LRRC74A: variants seen among roughly 807,000 people sequenced by gnomAD.
LRRC74A encodes leucine rich repeat containing 74A, also known as leucine-rich repeat-containing protein 74A.
In LRRC74A, 44 loss-of-function variants were observed where a neutral mutation model predicts 57.9. That is an observed-to-expected ratio of 0.76 (90% confidence interval 0.60 to 0.98). The LOEUF (loss-of-function observed/expected upper bound fraction) is 0.98. Among genes scored for constraint, LRRC74A ranks in the 50% least tolerant of loss-of-function variants. LRRC74A has a pLI of 0.00. For missense variants in LRRC74A, 572 were observed against 574.0 expected, an observed-to-expected ratio of 1.00 and a Z score of 0.04; for synonymous variants, 211 against 219.4, an observed-to-expected ratio of 0.96 and a Z score of 0.34.
chr14:76,828,975 C>G, intron 2 of LRRC74A: 1 of 1,283,032 alleles, frequency 7.8e-7, no homozygotes, highest in Non-Finnish European at 1.0e-6. Context: ...CCTTAGAGCT[C>G]TGGTTTCCCC....
chr14:76,861,149 T>G (rs1254346312), intron 11 of LRRC74A, among the ~76,000 whole-genome samples: 1 of 152,216 alleles, frequency 6.6e-6, no homozygotes, highest in African/African-American at 2.4e-5. Context: ...GGCAAGTTAC[T>G]AAAGCTCTCT....
chr14:76,867,176 T>TGGGGG (rs1898964031), intron 12 of LRRC74A, among the ~76,000 whole-genome samples, 180 bp from the exon 13 acceptor site: 1 of 5,344 alleles, frequency 1.9e-4, no homozygotes, highest in Non-Finnish European at 3.8e-4. Flanking sequence ...TGTGTGGTAG[T>TGGGGG]GTGTGTGGGG....
intron 13 of LRRC74A, among the ~76,000 whole-genome samples, chr14:76,867,826 G>A (rs1899066934): frequency 6.6e-6 from 1 of 152,210 alleles, no homozygotes; most frequent in African/African-American, 2.4e-5. Flanking sequence ...TCAGGCGGGA[G>A]GCGGCAATGT....
At chr14:76,855,909 G>A (rs943039747) in intron 9 of LRRC74A, among the ~76,000 whole-genome samples, 2 of 152,236 alleles carry the variant, frequency 1.3e-5, no homozygotes, top group Non-Finnish European at 2.9e-5. Context: ...AGTCCTCAGA[G>A]CAGCCATAGG....
rs117436373 is a variant in LRRC74A, at chr14:76,844,934, G to A, written c.676+33G>A. 686 of 1,082,718 alleles carry A rather than the reference G, an allele frequency of 6.3e-4. 6 individuals carry two copies. The East Asian group carries it at 0.013, about 21-fold the overall frequency. 67.1% of individuals were successfully genotyped at this position (1,082,718 alleles called of 1,614,324 possible). A position where few individuals can be genotyped will look rare whatever the true frequency, so the allele number is the denominator to read the frequency against. ...TCCCTGGAGGAAGGGACAGCAAAGG[G>A]GAGGGATAGGGAAGAATCACTTGGC... is the stretch of plus-strand genomic sequence containing the variant. On this transcript the variant is annotated intron_variant, in intron 7 of 13. Transcript: ENST00000689127.
chr14:76,869,781 GA>G (rs1410424945), intron 13 of LRRC74A, among the ~76,000 whole-genome samples: 158 of 147,770 alleles, frequency 1.1e-3, no homozygotes, highest in African/African-American at 3.5e-3. Flanking sequence ...AAAAAGAAAA[GA>G]AAAAAAATTC....
At chr14:76,844,287 G>A (rs1896971589) in intron 5 of LRRC74A, 136 bp from the exon 6 acceptor site, 2 of 777,274 alleles carry the variant, frequency 2.6e-6, no homozygotes, top group South Asian at 1.7e-5. Flanking sequence ...ACAGGCGTAA[G>A]CCAATGCGTC....
At chr14:76,848,704 G>A (rs1595372019) in intron 7 of LRRC74A, among the ~76,000 whole-genome samples, 1 of 152,230 alleles carries the variant, frequency 6.6e-6, no homozygotes, top group African/African-American at 2.4e-5. Flanking sequence ...AGTTCTTAAG[G>A]ATGGAAAATG....
intron 13 of LRRC74A, among the ~76,000 whole-genome samples, chr14:76,867,997 C>T (rs1392312253): frequency 5.3e-5 from 8 of 152,148 alleles, no homozygotes; most frequent in South Asian, 2.1e-4. Flanking sequence ...GAGAGAGGAC[C>T]GGTCCATGAT....
chr14:76,837,177 C>T (rs1486818188), intron 4 of LRRC74A, among the ~76,000 whole-genome samples: 1 of 151,952 alleles, frequency 6.6e-6, no homozygotes, highest in African/African-American at 2.4e-5. Flanking sequence ...TGCATAGTTG[C>T]CTTAAAGTGA....
At chr14:76,837,171 T>C (rs1896414144) in intron 4 of LRRC74A, among the ~76,000 whole-genome samples, 1 of 152,112 alleles carries the variant, frequency 6.6e-6, no homozygotes, top group Admixed American at 6.5e-5. Context: ...TAGCTCTGCA[T>C]AGTTGCCTTA....
intron 7 of LRRC74A, among the ~76,000 whole-genome samples, chr14:76,848,010 C>G (rs1024692497): frequency 2.5e-4 from 38 of 151,922 alleles, no homozygotes; most frequent in African/African-American, 8.0e-4. Context: ...CCTGTCTCTA[C>G]TAAAAATACA....
In LRRC74A at chr14:76,852,459, C is replaced by G; in HGVS notation, c.762+9C>G. ...TGTGCAATGGTCTCCGGGTAAGGCA[C>G]TCTCCAGGAGTGATGTGTGGAGCCC... On this transcript the variant is annotated intron_variant, in intron 8 of 13. Coordinates refer to ENST00000689127, the MANE Select transcript of LRRC74A (RefSeq NM_001385106.1). 1 of 1,586,592 alleles carries G rather than the reference C, an allele frequency of 6.3e-7. No individual in the cohort carries two copies. The highest frequency in any genetic ancestry group is 8.6e-7 in the Non-Finnish European group (1 of 1,159,308).
chr14:76,857,570 C>A, intron 10 of LRRC74A, 95 bp downstream of exon 10: 1 of 777,590 alleles, frequency 1.3e-6, no homozygotes, highest in Non-Finnish European at 2.2e-6. Flanking sequence ...CAGCTCTATC[C>A]CTCACAGGCC....
chr14:76,835,321 C>CA (rs1896245860), intron 3 of LRRC74A, among the ~76,000 whole-genome samples: 1 of 151,536 alleles, frequency 6.6e-6, no homozygotes, highest in Non-Finnish European at 1.5e-5. Context: ...CATCTCTACT[C>CA]AAAAAAATAC....
At chr14:76,840,656 C>T (rs1896697332) in intron 5 of LRRC74A, among the ~76,000 whole-genome samples, 1 of 147,732 alleles carries the variant, frequency 6.8e-6, no homozygotes. Flanking sequence ...AATCTCGGCT[C>T]ACTGCAGGCT....
Position 76,857,419 on chromosome 14 carries a change from C to T in LRRC74A, c.997C>T (p.Leu333Phe). The T allele has an allele frequency of 3.2e-6, 5 of 1,586,370 alleles. No homozygotes were observed. The highest frequency in any genetic ancestry group is 4.3e-6 in the Non-Finnish European group (5 of 1,164,850). The change falls in exon 10 of 14, where the codon CTT (leucine) becomes TTT (phenylalanine). Residue 333 changes from leucine (L) to phenylalanine (F), a missense_variant. Leu to Phe is a conservative substitution (Grantham distance 22). Coordinates refer to ENST00000689127, the MANE Select transcript of LRRC74A (RefSeq NM_001385106.1). ...CATAAATATGGATGGGGCTATTTTA[C>T]TTATCCTGGCTATCAAGAGGAACCC... ...NPINMDGAIL[L>F]ILAIKRNPKS...
At chr14:76,854,071 G>T (rs562992092) in intron 9 of LRRC74A, among the ~76,000 whole-genome samples, 2 of 151,880 alleles carry the variant, frequency 1.3e-5, no homozygotes, top group Non-Finnish European at 2.9e-5. Flanking sequence ...CAGTCCACCC[G>T]GTGCTCTCCC....
intron 11 of LRRC74A, among the ~76,000 whole-genome samples, chr14:76,865,707 A>C (rs1898723562): frequency 6.6e-6 from 1 of 152,218 alleles, no homozygotes; most frequent in Non-Finnish European, 1.5e-5. Flanking sequence ...GTGCAGTGCC[A>C]AGGGGCTCCT....
Sources: allele counts gnomAD v4.1 joint callset (sites outside exome capture counted in the v4.1 genomes callset), GRCh38; gene constraint gnomAD v4.1.1; transcripts MANE v1.5; gene names NCBI Gene and HGNC (gene_info 2026-07-23, HGNC 2026-07-21).